The following SPHKAP variants were observed in gnomAD, a reference collection of about 807,000 sequenced individuals.
The protein encoded by SPHKAP is A-kinase anchor protein SPHKAP.
In SPHKAP, 67 loss-of-function variants were observed where a neutral mutation model predicts 137.5. The ratio of observed to expected loss-of-function variants is 0.49; its 90% CI spans 0.40 to 0.60. SPHKAP has a LOEUF of 0.60. Among genes scored for constraint, SPHKAP ranks in the 20% least tolerant of loss-of-function variants. SPHKAP has a pLI of 0.00. For missense variants in SPHKAP, 2,097 were observed against 2,069.3 expected (o/e 1.01, Z -0.26); for synonymous variants, 813 against 785.3 (o/e 1.04, Z -0.59).
intron 3 of SPHKAP, among the ~76,000 whole-genome samples, chr2:228,098,982 G>T (rs967014391): frequency 6.6e-6 from 1 of 152,092 alleles, no homozygotes; most frequent in Non-Finnish European, 1.5e-5. Flanking sequence ...TCTGTAGGTT[G>T]TCTGTTTACT....
chr2:228,048,556 T>A (rs1454202231), intron 3 of SPHKAP, among the ~76,000 whole-genome samples: 3 of 152,292 alleles, frequency 2.0e-5, no homozygotes, highest in Non-Finnish European at 2.9e-5. Flanking sequence ...CATATATGAC[T>A]GTTCCCATAA....
chr2:227,991,460 A>T (rs1473346412), intron 9 of SPHKAP, 134 bp from the exon 10 acceptor site: 2 of 1,527,206 alleles, frequency 1.3e-6, no homozygotes, highest in Non-Finnish European at 1.7e-6. Context: ...TGTAGAGTAG[A>T]GTAATGCTGG....
At chr2:228,068,162 C>T (rs1037180054) in intron 3 of SPHKAP, among the ~76,000 whole-genome samples, 1 of 151,908 alleles carries the variant, frequency 6.6e-6, no homozygotes, top group African/African-American at 2.4e-5. Context: ...GAGGAATAAA[C>T]TTAACCAAAG....
chr2:228,013,123 G>C (rs1339845064), intron 7 of SPHKAP, among the ~76,000 whole-genome samples: 2 of 152,136 alleles, frequency 1.3e-5, no homozygotes, highest in Admixed American at 1.3e-4. Flanking sequence ...TTTGTACTTA[G>C]CTATTTGACT....
intron 2 of SPHKAP, among the ~76,000 whole-genome samples, chr2:228,128,551 A>G (rs1451212635): frequency 2.0e-5 from 3 of 152,210 alleles, no homozygotes; most frequent in African/African-American, 7.2e-5. Flanking sequence ...TGTTCTTAAT[A>G]GCATCTAGGA....
chr2:228,025,245 A>T (rs1694990631), intron 5 of SPHKAP, 149 bp downstream of exon 5: 1 of 805,760 alleles, frequency 1.2e-6, no homozygotes, highest in Admixed American at 3.6e-5. Flanking sequence ...TTTAAGAGAA[A>T]TACAAATGCA....
intron 7 of SPHKAP, among the ~76,000 whole-genome samples, chr2:227,998,001 T>C (rs1395665642): frequency 6.6e-6 from 1 of 152,080 alleles, no homozygotes; most frequent in African/African-American, 2.4e-5. Flanking sequence ...GCTGGTAGTT[T>C]TTTGTTTGTT....
intron 1 of SPHKAP, among the ~76,000 whole-genome samples, chr2:228,158,328 T>TTTTC (rs1553550817): frequency 1.2e-4 from 18 of 145,008 alleles, no homozygotes; most frequent in Non-Finnish European, 2.7e-4. Flanking sequence ...ACTTCTTTCT[T>TTTTC]TTTTTTTTTT....
chr2:228,114,391 T>C (rs560308422), intron 2 of SPHKAP, among the ~76,000 whole-genome samples: 3 of 152,264 alleles, frequency 2.0e-5, no homozygotes, highest in Non-Finnish European at 2.9e-5. Context: ...AATGTCTTAA[T>C]ATTTTTTAAG....
chr2:228,144,544 C>A (rs998968945), intron 1 of SPHKAP, among the ~76,000 whole-genome samples: 16 of 151,782 alleles, frequency 1.1e-4, no homozygotes, highest in Non-Finnish European at 5.9e-5. Context: ...TTTCTTGCCC[C>A]TTTCTATATT....
chr2:228,045,332 AG>A (rs1431430687), intron 3 of SPHKAP, among the ~76,000 whole-genome samples: 1 of 141,698 alleles, frequency 7.1e-6, no homozygotes, highest in African/African-American at 2.7e-5. Context: ...ACTATAGCAA[AG>A]ACTTGGAACC....
intron 1 of SPHKAP, among the ~76,000 whole-genome samples, chr2:228,150,203 C>T (rs4569469): frequency 4.6e-5 from 7 of 152,084 alleles, no homozygotes; most frequent in South Asian, 2.1e-4. Flanking sequence ...CTTTTTCACA[C>T]GTTGTGGAAC....
At chr2:228,123,504 A>C (rs2106365498) in intron 2 of SPHKAP, among the ~76,000 whole-genome samples, 1 of 152,336 alleles carries the variant, frequency 6.6e-6, no homozygotes, top group African/African-American at 2.4e-5. Flanking sequence ...TTATACTTAA[A>C]GTCCTTGCTT....
intron 2 of SPHKAP, among the ~76,000 whole-genome samples, chr2:228,113,602 C>T (rs1021291443): frequency 2.9e-5 from 2 of 70,048 alleles, no homozygotes; most frequent in Non-Finnish European, 6.2e-5. Context: ...TGCATTTAGC[C>T]ATCTCTCTCT....
chr2:228,081,972 A>G (rs1486525897), intron 3 of SPHKAP, among the ~76,000 whole-genome samples: 1 of 152,228 alleles, frequency 6.6e-6, no homozygotes, highest in Non-Finnish European at 1.5e-5. Flanking sequence ...AAACCCAACA[A>G]TGTGAGGTAA....
At chr2:228,121,967 C>T (rs1257873136) in intron 2 of SPHKAP, among the ~76,000 whole-genome samples, 1 of 152,066 alleles carries the variant, frequency 6.6e-6, no homozygotes, top group Non-Finnish European at 1.5e-5. Context: ...GGCTACTATG[C>T]TGGGAACTTT....
At chr2:228,170,891 C>T (rs905929191) in intron 1 of SPHKAP, among the ~76,000 whole-genome samples, 80 of 152,022 alleles carry the variant, frequency 5.3e-4, no homozygotes, top group African/African-American at 1.6e-3. Flanking sequence ...TGCAATAAAG[C>T]GGAAAAACAC....
intron 7 of SPHKAP, among the ~76,000 whole-genome samples, chr2:228,004,290 G>C (rs1694037576): frequency 6.6e-6 from 1 of 152,152 alleles, no homozygotes; most frequent in Admixed American, 6.5e-5. Flanking sequence ...TTAGTCTTGA[G>C]AGGGTGTATG....
At chr2:228,092,112 CAT>C (rs1559168566) in intron 3 of SPHKAP, among the ~76,000 whole-genome samples, 2 of 138,424 alleles carry the variant, frequency 1.4e-5, no homozygotes, top group Non-Finnish European at 1.6e-5. Context: ...TATATATACA[CAT>C]ATATACATAT....
Sources: gnomAD v4.1 joint callset for allele counts (sites outside exome capture counted in the v4.1 genomes callset) on GRCh38, gnomAD v4.1.1 for gene constraint, MANE v1.5 for transcripts, NCBI Gene and HGNC (gene_info 2026-07-23, HGNC 2026-07-21) for gene names.